Variants in GALNT2 observed in about 807,000 individuals in gnomAD.
GALNT2 encodes polypeptide N-acetylgalactosaminyltransferase 2, also known as UDP-GalNAc:polypeptide N-acetylgalactosaminyltransferase 2.
In GALNT2, 31 loss-of-function variants were observed where a neutral mutation model predicts 81.4. The observed-to-expected ratio is 0.38, with a 90% CI of 0.29 to 0.51. The LOEUF (loss-of-function observed/expected upper bound fraction) is 0.51. GALNT2 is among the 20% of genes least tolerant of loss of function. The pLI is 0.87. For synonymous variants in GALNT2, 303 were observed against 287.4 expected (o/e 1.05, Z -0.55); for missense variants, 629 against 765.7 (o/e 0.82, Z 2.11).
chr1:230,097,282 A>T (rs1489997888), intron 1 of GALNT2, among the ~76,000 whole-genome samples: 1 of 152,102 alleles, frequency 6.6e-6, no homozygotes, highest in Admixed American at 6.6e-5. Context: ...ACCATTTTTA[A>T]GTGTACAGGT....
chr1:230,213,984 C>T (rs1433368324), intron 3 of GALNT2, among the ~76,000 whole-genome samples: 1 of 152,078 alleles, frequency 6.6e-6, no homozygotes, highest in East Asian at 1.9e-4. Context: ...TCCCATTGCT[C>T]CTCATTTCTT....
At chr1:230,125,301 GA>G (rs1160837659) in intron 1 of GALNT2, among the ~76,000 whole-genome samples, 3 of 152,230 alleles carry the variant, frequency 2.0e-5, no homozygotes, top group African/African-American at 4.8e-5. Context: ...ACAGGCCAGA[GA>G]AGGGAGGGGG....
intron 6 of GALNT2, among the ~76,000 whole-genome samples, chr1:230,241,592 G>T (rs183113314): frequency 6.6e-6 from 1 of 151,978 alleles, no homozygotes; most frequent in East Asian, 1.9e-4. Context: ...GATTACAGGC[G>T]CACGCCACCA....
At chr1:230,118,575 T>C (rs748438565) in intron 1 of GALNT2, among the ~76,000 whole-genome samples, 13 of 152,234 alleles carry the variant, frequency 8.5e-5, no homozygotes, top group Admixed American at 2.6e-4. Context: ...AGAGTCCCTG[T>C]AGGGCCAGAA....
chr1:230,236,146 G>A (rs754063984), intron 4 of GALNT2, 34 bp downstream of exon 4: 1 of 1,594,582 alleles, frequency 6.3e-7, no homozygotes, highest in Non-Finnish European at 8.6e-7. Flanking sequence ...TGTCAGGGGT[G>A]TTAAGACATT....
At chr1:230,063,857 T>C (rs904762800), upstream of GALNT2, among the ~76,000 whole-genome samples, 2 of 152,210 alleles carry the variant, frequency 1.3e-5, no homozygotes, top group African/African-American at 4.8e-5. Flanking sequence ...ATGCCTACAT[T>C]TGAAAATCTT....
rs761185889 is a variant in GALNT2 at position 230,067,370 on chromosome 1, G to T, written c.90G>T (p.Ala30=). 1.5e-6 allele frequency: 2 copies of T among 1,327,442 alleles called. No homozygotes were observed. The highest frequency in any genetic ancestry group is 2.0e-5 in the South Asian group (1 of 50,196). The allele number at this position is 1,327,442 out of a possible 1,614,324, so 82.2% of individuals were successfully genotyped here. The stretch of plus-strand genomic sequence containing the variant: ...ACATGTACTCGGGGGGCGGCTCTGC[G>T]CTGGCCGGGGGCGCGGGCGGCGGCG... The part of the protein sequence containing the change: ...AYYMYSGGGS[A]LAGGAGGGAG... The change falls in exon 1 of 16, where the codon GCG becomes GCT. Residue 30 remains alanine (A), a synonymous_variant. Coordinates refer to ENST00000366672, the MANE Select transcript of GALNT2 (RefSeq NM_004481.5).
chr1:230,172,063 G>A (rs1662811341), intron 1 of GALNT2, among the ~76,000 whole-genome samples: 1 of 152,114 alleles, frequency 6.6e-6, no homozygotes, highest in Non-Finnish European at 1.5e-5. Context: ...CAAAACTGGA[G>A]GCTAGTCTCA....
chr1:230,242,209 G>A (rs1288246894), intron 6 of GALNT2, among the ~76,000 whole-genome samples: 1 of 152,200 alleles, frequency 6.6e-6, no homozygotes, highest in Non-Finnish European at 1.5e-5. Context: ...ATCCTATCTA[G>A]TTTCTGTCTG....
At position 230,070,699 on chromosome 1, in the gene GALNT2, G is replaced by A. The variant is rs970747804; in HGVS notation, c.126+3293G>A. Among the ~76,000 whole-genome samples, 4 of 152,170 alleles carry A rather than the reference G, an allele frequency of 2.6e-5. No homozygotes were observed. The highest frequency in any genetic ancestry group is 5.9e-5 in the Non-Finnish European group (4 of 68,028). Reference sequence around the variant, plus strand: ...GGGTGGGATCTTCTAGGAATCATGCGGGGAGGCGGGCAGGTTATTTCTTGG... The same window carrying A: ...GGGTGGGATCTTCTAGGAATCATGCAGGGAGGCGGGCAGGTTATTTCTTGG... On this transcript the variant is annotated intron_variant, in intron 1 of 15. Transcript: ENST00000366672. The surrounding 1 kb of genome is among the most constrained non-coding windows in gnomAD (Gnocchi z 4.7).
At chr1:230,169,911 T>G (rs538032713) in intron 1 of GALNT2, among the ~76,000 whole-genome samples, 20 of 152,234 alleles carry the variant, frequency 1.3e-4, no homozygotes, top group Non-Finnish European at 2.6e-4. Flanking sequence ...GTTGGAGCAG[T>G]GAAAGTGAAA....
intron 1 of GALNT2, among the ~76,000 whole-genome samples, chr1:230,114,973 C>T (rs552591142): frequency 2.0e-5 from 3 of 151,074 alleles, no homozygotes; most frequent in Non-Finnish European, 4.4e-5. Flanking sequence ...ATCCTTAAGT[C>T]TCCCAAGTCC....
intron 1 of GALNT2, among the ~76,000 whole-genome samples, chr1:230,130,155 C>A (rs556149533): frequency 7.7e-4 from 118 of 152,354 alleles, no homozygotes; most frequent in Middle Eastern, 3.4e-3. Flanking sequence ...ACATGAAAAT[C>A]TCTCTGCTAT....
intron 2 of GALNT2, among the ~76,000 whole-genome samples, chr1:230,195,060 G>A (rs1488852218): frequency 2.0e-5 from 3 of 152,204 alleles, no homozygotes; most frequent in Non-Finnish European, 4.4e-5. Context: ...AGGTTAGAAG[G>A]GTATTGAAGT....
At chr1:230,146,952 G>T (rs1365375213) in intron 1 of GALNT2, among the ~76,000 whole-genome samples, 1 of 152,022 alleles carries the variant, frequency 6.6e-6, no homozygotes, top group Admixed American at 6.5e-5. Context: ...CCCGCTGGCC[G>T]CACTGTGTGG....
chr1:230,127,563 G>A (rs372149522), intron 1 of GALNT2, among the ~76,000 whole-genome samples: 90 of 150,848 alleles, frequency 6.0e-4, no homozygotes, highest in African/African-American at 2.2e-3. Flanking sequence ...TTTCGTAGAG[G>A]CAGGGTTTCA....
intron 1 of GALNT2, among the ~76,000 whole-genome samples, chr1:230,146,854 TGAG>T (rs1456579687): frequency 1.3e-5 from 2 of 151,682 alleles, no homozygotes; most frequent in South Asian, 2.1e-4. Context: ...ACGTGACCTG[TGAG>T]GAGGTTAGGT....
In GALNT2 at chr1:230,279,595, T is replaced by C. The variant is rs1186391672; in HGVS notation, c.*137T>C. On this transcript the variant is annotated 3_prime_UTR_variant, in exon 16 of 16. Coordinates refer to ENST00000366672, the MANE Select transcript of GALNT2 (RefSeq NM_004481.5). The surrounding 1 kb of genome is among the most constrained non-coding windows in gnomAD (Gnocchi z 4.6). ...TTCCATCATGGTCTGAAAGTCAAAC[T>C]TCGGCAAGGCACGGACGACTGTGCA... is the stretch of plus-strand genomic sequence containing the variant. The C allele has an allele frequency of 2.6e-6, 3 of 1,136,618 alleles. No homozygotes were observed. The highest frequency in any genetic ancestry group is 3.7e-6 in the Non-Finnish European group (3 of 818,580). 70.4% of individuals were successfully genotyped at this position (1,136,618 alleles called of 1,614,324 possible). A position where few individuals can be genotyped will look rare whatever the true frequency, so the allele number is the denominator to read the frequency against.
chr1:230,089,346 A>AG (rs564822968), intron 1 of GALNT2, among the ~76,000 whole-genome samples: 29 of 151,800 alleles, frequency 1.9e-4, no homozygotes, highest in African/African-American at 5.8e-4. Flanking sequence ...TTTTTAGTGG[A>AG]GATGGGGTTT....
Sources: gnomAD v4.1 joint callset for allele counts (sites outside exome capture counted in the v4.1 genomes callset) on GRCh38, gnomAD v4.1.1 for gene constraint, Gnocchi (gnomAD v3.1) non-coding constraint, MANE v1.5 for transcripts, NCBI Gene and HGNC (gene_info 2026-07-23, HGNC 2026-07-21) for gene names.